Variants in ANKRD45 observed in about 807,000 individuals in gnomAD.
ANKRD45 encodes ankyrin repeat domain-containing protein 45.
A neutral mutation model predicts 28.1 loss-of-function variants in ANKRD45; 21 were observed. That is an observed-to-expected ratio of 0.75 (90% CI 0.53 to 1.08). The LOEUF (loss-of-function observed/expected upper bound fraction) is 1.08. Ranked by LOEUF, ANKRD45 falls within the 50% of genes least tolerant of loss-of-function variation. ANKRD45 has a pLI of 0.00. For synonymous variants in ANKRD45, 86 were observed against 103.9 expected (o/e 0.83, Z 1.05); for missense variants, 261 against 308.7 (o/e 0.85, Z 1.16).
chr1:173,699,965 C>T, the ANKRD45 span, among the ~76,000 whole-genome samples: 1 of 152,206 alleles, frequency 6.6e-6, no homozygotes, highest in Non-Finnish European at 1.5e-5. Context: ...TAAGCAACTT[C>T]AGCAAAGTCT....
At position 173,609,726 on chromosome 1, in the gene ANKRD45, T is replaced by C. The variant is rs927568935; in HGVS notation, c.*419A>G. 1.3e-5 allele frequency: 2 copies of C among 159,142 alleles called. No individual in the cohort carries two copies. Among genetic ancestry groups the C allele is most frequent in the African/African-American group, 4.8e-5 (2 of 41,586 alleles). 9.9% of individuals were successfully genotyped at this position (159,142 alleles called of 1,614,324 possible). A position where few individuals can be genotyped will look rare whatever the true frequency, so the allele number is the denominator to read the frequency against. The stretch of plus-strand genomic sequence containing the variant: ...AGAGGCTCCTAATCCAAGCTGGTCT[T>C]AATATTTCCTTGCTCCAAGTGTCAT... On this transcript the variant is annotated 3_prime_UTR_variant, in exon 6 of 6. Transcript: ENST00000333279.
intron 3 of ANKRD45, among the ~76,000 whole-genome samples, chr1:173,638,233 A>G (rs1281592861): frequency 6.6e-6 from 1 of 152,092 alleles, no homozygotes; most frequent in Non-Finnish European, 1.5e-5. Flanking sequence ...AATCGGCGAG[A>G]CATCTCTGGT....
At chr1:173,640,685 C>A (rs1049787446) in intron 3 of ANKRD45, among the ~76,000 whole-genome samples, 2 of 152,160 alleles carry the variant, frequency 1.3e-5, no homozygotes, top group African/African-American at 4.8e-5. Flanking sequence ...TGACAGCTAG[C>A]CTTTTCACAC....
upstream of ANKRD45, among the ~76,000 whole-genome samples, chr1:173,671,726 A>AT (rs1423099124): frequency 1.3e-5 from 2 of 151,862 alleles, no homozygotes; most frequent in Non-Finnish European, 2.9e-5. Flanking sequence ...CAAAAAAAAA[A>AT]AAAAAATTAG....
At chr1:173,690,115 CG>C in the ANKRD45 span, among the ~76,000 whole-genome samples, 1 of 124,598 alleles carries the variant, frequency 8.0e-6, no homozygotes, top group Non-Finnish European at 1.6e-5. Context: ...GGAAGAGGGT[CG>C]GGGCTGACCT....
At chr1:173,665,077 A>T (rs535858079) in intron 1 of ANKRD45, among the ~76,000 whole-genome samples, 1 of 152,198 alleles carries the variant, frequency 6.6e-6, no homozygotes, top group Non-Finnish European at 1.5e-5. Context: ...TACCATCATC[A>T]TTATTAGGTC....
intron 3 of ANKRD45, 115 bp from the exon 4 acceptor site, chr1:173,627,274 A>C (rs1378466108): frequency 2.9e-6 from 2 of 681,894 alleles, no homozygotes; most frequent in Non-Finnish European, 5.1e-6. Flanking sequence ...CAAATTGAAA[A>C]ACTATCCATA....
the ANKRD45 span, among the ~76,000 whole-genome samples, chr1:173,700,107 C>T: frequency 6.6e-6 from 1 of 152,162 alleles, no homozygotes; most frequent in African/African-American, 2.4e-5. Context: ...AGGAATCTAA[C>T]TTACAAGGAA....
chr1:173,676,904 A>G, the ANKRD45 span, among the ~76,000 whole-genome samples: 1 of 151,096 alleles, frequency 6.6e-6, no homozygotes. Flanking sequence ...TAACATCTTT[A>G]TACAAATACA....
At chr1:173,611,925 TA>T (rs1271431020) in intron 5 of ANKRD45, among the ~76,000 whole-genome samples, 1 of 151,978 alleles carries the variant, frequency 6.6e-6, no homozygotes, top group Non-Finnish European at 1.5e-5. Context: ...CTCATATAAC[TA>T]AAAAATAAAA....
chr1:173,672,246 A>G (rs1670283243), upstream of ANKRD45, among the ~76,000 whole-genome samples: 2 of 152,144 alleles, frequency 1.3e-5, no homozygotes, highest in African/African-American at 2.4e-5. Context: ...GTTTTACATT[A>G]TAGAGAGGAA....
chr1:173,646,948 G>T lies in ANKRD45; in HGVS notation c.394C>A (p.Leu132Met). 6.2e-7 allele frequency: 1 copy of T among 1,614,068 alleles called. No homozygotes were observed. Among genetic ancestry groups the T allele is most frequent in the Non-Finnish European group, 8.5e-7 (1 of 1,179,988 alleles). ...RLETLKALVE[L>M]DVDIEALNFR... ...TTCAAAGCTTCTATATCAACATCCAGTTCTACCAGTGCTTTCAAAGTTTCC... is the reference window on the plus strand; with the variant it reads ...TTCAAAGCTTCTATATCAACATCCATTTCTACCAGTGCTTTCAAAGTTTCC... Residue 132 changes from leucine (L) to methionine (M), a missense_variant, in exon 3 of 6, where the codon CTG becomes ATG. Transcript: ENST00000333279.
intron 1 of ANKRD45, among the ~76,000 whole-genome samples, chr1:173,669,268 G>A (rs1407900558): frequency 6.6e-6 from 1 of 152,008 alleles, no homozygotes; most frequent in Non-Finnish European, 1.5e-5. Flanking sequence ...AGTCTTAAAA[G>A]GAGGAAAAAA....
chr1:173,662,691 T>C (rs1341983256), intron 1 of ANKRD45, among the ~76,000 whole-genome samples: 3 of 152,164 alleles, frequency 2.0e-5, no homozygotes, highest in African/African-American at 7.2e-5. Flanking sequence ...ACCAGTGATA[T>C]CAATCCTTCC....
chr1:173,659,731 G>C (rs796888415), intron 1 of ANKRD45, among the ~76,000 whole-genome samples: 1 of 152,130 alleles, frequency 6.6e-6, no homozygotes, highest in South Asian at 2.1e-4. Context: ...TCATTAGGAA[G>C]AGATTGAAAA....
the ANKRD45 span, among the ~76,000 whole-genome samples, chr1:173,710,823 C>A: frequency 6.6e-6 from 1 of 152,084 alleles, no homozygotes; most frequent in African/African-American, 2.4e-5. Flanking sequence ...GACCATCACC[C>A]GATGGTCACC....
intron 3 of ANKRD45, among the ~76,000 whole-genome samples, chr1:173,632,186 G>A (rs1357010709): frequency 7.2e-5 from 11 of 151,888 alleles, no homozygotes; most frequent in Non-Finnish European, 1.5e-4. Flanking sequence ...AAATTCAAAA[G>A]ATCATTAGAG....
At chr1:173,696,535 T>G in the ANKRD45 span, among the ~76,000 whole-genome samples, 2 of 152,138 alleles carry the variant, frequency 1.3e-5, no homozygotes, top group Non-Finnish European at 2.9e-5. Flanking sequence ...AGGGAGCCCT[T>G]TTCTCATTGT....
At chr1:173,689,127 G>T in the ANKRD45 span, among the ~76,000 whole-genome samples, 1 of 152,170 alleles carries the variant, frequency 6.6e-6, no homozygotes, top group African/African-American at 2.4e-5. Context: ...GAGTGGAAGG[G>T]CTTCTTTCTC....
Sources: allele counts gnomAD v4.1 joint callset (sites outside exome capture counted in the v4.1 genomes callset), GRCh38; gene constraint gnomAD v4.1.1; transcripts MANE v1.5; gene names NCBI Gene and HGNC (gene_info 2026-07-23, HGNC 2026-07-21).